The following CAMSAP1 variants were observed in gnomAD, a reference collection of about 807,000 sequenced individuals.
The protein encoded by CAMSAP1 is calmodulin-regulated spectrin-associated protein 1.
Under a neutral mutation model 143.5 loss-of-function variants are expected in CAMSAP1, and 58 were observed. The observed-to-expected ratio is 0.40, with a 90% CI of 0.33 to 0.50. CAMSAP1 has a LOEUF of 0.50. Ranked by LOEUF, CAMSAP1 falls within the 20% of genes least tolerant of loss-of-function variation. The pLI, the probability that CAMSAP1 is intolerant of heterozygous loss-of-function variation, is 0.45. For synonymous variants in CAMSAP1, 945 were observed against 859.3 expected (o/e 1.10, Z -1.74); for missense variants, 1,969 against 2,115.7 (o/e 0.93, Z 1.36).
At chr9:135,851,830 T>C (rs1836793726) in intron 5 of CAMSAP1, among the ~76,000 whole-genome samples, 1 of 152,248 alleles carries the variant, frequency 6.6e-6, no homozygotes, top group Non-Finnish European at 1.5e-5. Context: ...AATGCTGCCA[T>C]CACAAAGCTT....
chr9:135,818,503 A>G lies in CAMSAP1; in HGVS notation c.4073T>C (p.Leu1358Pro). 1 of 1,611,256 alleles carries G rather than the reference A, an allele frequency of 6.2e-7. No homozygotes were observed. The highest frequency in any genetic ancestry group is 8.5e-7 in the Non-Finnish European group (1 of 1,179,734). ...KQQQILEEQG[L>P]GKPKSKPKKP... ...CTTCGGCTTTGACTTGGGCTTGCCGAGCCCCTGCTCCTCTAGGATCTGCTG... is the reference window on the plus strand; with the variant it reads ...CTTCGGCTTTGACTTGGGCTTGCCGGGCCCCTGCTCCTCTAGGATCTGCTG... Residue 1358 changes from leucine (L) to proline (P), a missense_variant, in exon 13 of 17, where the codon CTC (leucine) becomes CCC (proline). Coordinates refer to ENST00000389532, the MANE Select transcript of CAMSAP1 (RefSeq NM_015447.4). The surrounding 1 kb of genome is among the most constrained non-coding windows in gnomAD (Gnocchi z 7.7).
rs1459427299 is a variant in CAMSAP1 at position 135,865,369 on chromosome 9, T to C, written c.666+1087A>G. On this transcript the variant is annotated intron_variant, in intron 4 of 16. Coordinates refer to ENST00000389532, the MANE Select transcript of CAMSAP1 (RefSeq NM_015447.4). ...CCAATACCACTTGGAGGGAGACTGC[T>C]CAGGAAGCGAGAGAAGGAAGGCAGG... 4 of 1,550,636 alleles carry C rather than the reference T, an allele frequency of 2.6e-6. No homozygotes were observed. In the Admixed American group the frequency reaches 7.8e-5, roughly 30 times the overall value.
chr9:135,859,288 G>A (rs1048951247), intron 5 of CAMSAP1, among the ~76,000 whole-genome samples: 1 of 152,230 alleles, frequency 6.6e-6, no homozygotes, highest in Non-Finnish European at 1.5e-5. Flanking sequence ...ACTGGATGAA[G>A]CCTGAAGTCC....
intron 5 of CAMSAP1, among the ~76,000 whole-genome samples, chr9:135,855,776 G>C (rs1255775830): frequency 6.6e-6 from 1 of 150,772 alleles, no homozygotes; most frequent in African/African-American, 2.4e-5. Context: ...AAAAAGGCCG[G>C]GTGCGGTGGC....
chr9:135,894,634 G>C (rs1404751787), intron 1 of CAMSAP1, among the ~76,000 whole-genome samples: 1 of 152,224 alleles, frequency 6.6e-6, no homozygotes, highest in African/African-American at 2.4e-5. Context: ...AGGAAGGTCA[G>C]ACTATCACCA....
chr9:135,833,609 A>T (rs937220896), intron 7 of CAMSAP1, among the ~76,000 whole-genome samples: 2 of 152,252 alleles, frequency 1.3e-5, no homozygotes, highest in African/African-American at 4.8e-5. Flanking sequence ...GGATAACCAG[A>T]TGTAGAAGAA....
At chr9:135,876,774 T>C (rs559879193) in intron 3 of CAMSAP1, among the ~76,000 whole-genome samples, 92 of 152,172 alleles carry the variant, frequency 6.0e-4, no homozygotes, top group Non-Finnish European at 1.2e-3. Flanking sequence ...TTTGGGAGGC[T>C]GAGATGGGTG....
intron 4 of CAMSAP1, among the ~76,000 whole-genome samples, chr9:135,864,991 GA>G (rs1300981608): frequency 6.6e-6 from 1 of 152,174 alleles, no homozygotes; most frequent in Non-Finnish European, 1.5e-5. Context: ...GGTAACATCA[GA>G]AAGAACAAAA....
intron 1 of CAMSAP1, among the ~76,000 whole-genome samples, chr9:135,898,056 C>T (rs1838510754): frequency 6.6e-6 from 1 of 152,050 alleles, no homozygotes; most frequent in African/African-American, 2.4e-5. Context: ...AGTCTTACAT[C>T]AGAAAAGAGG....
At chr9:135,873,863 C>A (rs1837645015) in intron 3 of CAMSAP1, among the ~76,000 whole-genome samples, 1 of 152,102 alleles carries the variant, frequency 6.6e-6, no homozygotes, top group Non-Finnish European at 1.5e-5. Flanking sequence ...CTTCCCAACT[C>A]ACTTTTTTAG....
In CAMSAP1 at chr9:135,826,447, C is replaced by G. The variant is rs1835674749; in HGVS notation, c.1223+960G>C. 1 of 152,520 alleles carries G rather than the reference C, an allele frequency of 6.6e-6. No homozygotes were observed. The highest frequency in any genetic ancestry group is 6.5e-5 in the Admixed American group (1 of 15,278). 9.4% of individuals were successfully genotyped at this position (152,520 alleles called of 1,614,324 possible). ...AACCCCTCCCTCAGCTATGCCCCACCCCTGGGTGTGTACCCCCCCACCACT... is the reference window on the plus strand; with the variant it reads ...AACCCCTCCCTCAGCTATGCCCCACGCCTGGGTGTGTACCCCCCCACCACT... On this transcript the variant is annotated intron_variant, in intron 8 of 16. Transcript: ENST00000389532. The surrounding 1 kb of genome is among the most constrained non-coding windows in gnomAD (Gnocchi z 4.4).
intron 1 of CAMSAP1, among the ~76,000 whole-genome samples, chr9:135,888,137 TG>T (rs2130999182): frequency 6.6e-6 from 1 of 152,316 alleles, no homozygotes; most frequent in Admixed American, 6.5e-5. Context: ...GGCCTCTTAC[TG>T]GATCCCTCTG....
chr9:135,816,298 T>A (rs1421398326), intron 14 of CAMSAP1, among the ~76,000 whole-genome samples: 1 of 152,102 alleles, frequency 6.6e-6, no homozygotes, highest in Non-Finnish European at 1.5e-5. Context: ...ACTGCCCCCG[T>A]GAGCAGGGCA....
At chr9:135,830,130 A>G (rs893609068) in intron 7 of CAMSAP1, among the ~76,000 whole-genome samples, 3 of 152,192 alleles carry the variant, frequency 2.0e-5, no homozygotes, top group African/African-American at 7.2e-5. Context: ...ACAAAACACA[A>G]ATGAAGATAG....
chr9:135,901,586 G>T (rs1838618843), intron 1 of CAMSAP1, among the ~76,000 whole-genome samples: 1 of 152,144 alleles, frequency 6.6e-6, no homozygotes, highest in East Asian at 1.9e-4. Flanking sequence ...CTGTACTCCA[G>T]CCTGGGCAAC....
chr9:135,818,667 G>C lies in CAMSAP1; in HGVS notation c.3960-51C>G. ...TGCTCGGTCACGGGGCTTCTTCCAC[G>C]ACGCCTGCGCCGCGGCGCTCTGTCC... On this transcript the variant is annotated intron_variant, in intron 12 of 16. Coordinates refer to ENST00000389532, the MANE Select transcript of CAMSAP1 (RefSeq NM_015447.4). The surrounding 1 kb of genome is among the most constrained non-coding windows in gnomAD (Gnocchi z 7.7). 6.3e-7 allele frequency: 1 copy of C among 1,587,530 alleles called. No homozygotes were observed. Among genetic ancestry groups the C allele is most frequent in the Non-Finnish European group, 8.6e-7 (1 of 1,164,728 alleles).
chr9:135,825,078 A>C (rs566624608), intron 8 of CAMSAP1, among the ~76,000 whole-genome samples, 198 bp from the exon 9 acceptor site: 11 of 152,344 alleles, frequency 7.2e-5, no homozygotes, highest in South Asian at 6.2e-4. Context: ...CACACACTGC[A>C]AACGGGCACA....
chr9:135,849,198 C>G (rs892340639), intron 7 of CAMSAP1, among the ~76,000 whole-genome samples: 2 of 152,222 alleles, frequency 1.3e-5, no homozygotes, highest in Admixed American at 1.3e-4. Context: ...AACACTTACA[C>G]TAGCCTACAG....
intron 11 of CAMSAP1, among the ~76,000 whole-genome samples, chr9:135,819,934 C>T (rs1017870423): frequency 6.6e-6 from 1 of 152,178 alleles, no homozygotes; most frequent in South Asian, 2.1e-4. Flanking sequence ...AAGCTTGCCT[C>T]TTTTGCTAAG....
Sources: gnomAD v4.1 joint callset for allele counts (sites outside exome capture counted in the v4.1 genomes callset) on GRCh38, gnomAD v4.1.1 for gene constraint, Gnocchi (gnomAD v3.1) non-coding constraint, MANE v1.5 for transcripts, NCBI Gene and HGNC (gene_info 2026-07-23, HGNC 2026-07-21) for gene names.